The following ZNF503 variants were observed in gnomAD, a reference collection of about 807,000 sequenced individuals.
The protein encoded by ZNF503 is NocA-like zinc finger 2.
A neutral mutation model predicts 34.4 loss-of-function variants in ZNF503; 15 were observed. The observed-to-expected ratio is 0.44, with a 90% CI of 0.29 to 0.67. The LOEUF is 0.67. Ranked by LOEUF, ZNF503 falls within the 30% of genes least tolerant of loss-of-function variation. The pLI, the probability that ZNF503 is intolerant of heterozygous loss-of-function variation, is 0.13. For synonymous variants in ZNF503, 580 were observed against 456.8 expected (o/e 1.27, Z -3.44); for missense variants, 1,007 against 926.8 (o/e 1.09, Z -1.12).
chr10:75,356,727 T>C, the ZNF503 span, among the ~76,000 whole-genome samples: 1 of 152,106 alleles, frequency 6.6e-6, no homozygotes, highest in African/African-American at 2.4e-5. Context: ...CCCACCCAGG[T>C]TCTCCCATTG....
At chr10:75,331,148 T>C in the ZNF503 span, among the ~76,000 whole-genome samples, 1 of 152,246 alleles carries the variant, frequency 6.6e-6, no homozygotes, top group Non-Finnish European at 1.5e-5. Flanking sequence ...TTTTATTTCA[T>C]TGTGGTCAGA....
At chr10:75,335,770 G>A in the ZNF503 span, among the ~76,000 whole-genome samples, 5 of 152,016 alleles carry the variant, frequency 3.3e-5, no homozygotes, top group Non-Finnish European at 7.4e-5. Context: ...GTGTGGGTGG[G>A]GACACAGGCA....
the ZNF503 span, among the ~76,000 whole-genome samples, chr10:75,316,028 A>G: frequency 1.3e-5 from 2 of 152,376 alleles, no homozygotes; most frequent in South Asian, 2.1e-4. Flanking sequence ...TATAATGGTT[A>G]TAAACATATA....
the ZNF503 span, among the ~76,000 whole-genome samples, chr10:75,301,773 C>T: frequency 6.6e-6 from 1 of 152,148 alleles, no homozygotes; most frequent in African/African-American, 2.4e-5. Flanking sequence ...AATACATCTC[C>T]TTTTCTTCCC....
At chr10:75,350,809 T>G in the ZNF503 span, among the ~76,000 whole-genome samples, 2 of 152,070 alleles carry the variant, frequency 1.3e-5, no homozygotes, top group African/African-American at 4.8e-5. Flanking sequence ...CCGCCTCAGC[T>G]TCCCAAAGTG....
the ZNF503 span, among the ~76,000 whole-genome samples, chr10:75,313,787 C>G: frequency 1.3e-5 from 2 of 152,186 alleles, no homozygotes; most frequent in Admixed American, 6.5e-5. Flanking sequence ...GGAGAAGGGA[C>G]ATGAACTTGA....
At chr10:75,326,614 T>C in the ZNF503 span, among the ~76,000 whole-genome samples, 8 of 151,924 alleles carry the variant, frequency 5.3e-5, no homozygotes, top group African/African-American at 1.9e-4. Context: ...AATCTTCCTT[T>C]TTTTTTGTTT....
the ZNF503 span, among the ~76,000 whole-genome samples, chr10:75,366,209 T>C: frequency 1.3e-5 from 2 of 152,242 alleles, no homozygotes; most frequent in African/African-American, 4.8e-5. Flanking sequence ...TGAGCTCTTT[T>C]GTATATACCA....
chr10:75,282,949 G>C, the ZNF503 span, among the ~76,000 whole-genome samples: 5 of 152,214 alleles, frequency 3.3e-5, no homozygotes, highest in Admixed American at 1.3e-4. Flanking sequence ...AAACTGTCAG[G>C]TTGCCTACAT....
At chr10:75,302,584 G>GTCTAGTATACA in the ZNF503 span, among the ~76,000 whole-genome samples, 1 of 152,180 alleles carries the variant, frequency 6.6e-6, no homozygotes, top group African/African-American at 2.4e-5. Context: ...CCTCTTTGGT[G>GTCTAGTATACA]TCTAGTATAC....
At chr10:75,370,609 T>C in the ZNF503 span, among the ~76,000 whole-genome samples, 1 of 151,844 alleles carries the variant, frequency 6.6e-6, no homozygotes, top group East Asian at 1.9e-4. Flanking sequence ...TGAAACCCTG[T>C]CTCTACTAAA....
chr10:75,398,808 AG>A lies in ZNF503; in HGVS notation c.1881del (p.Ser628ProfsTer10). Reference sequence around the variant, plus strand: ...CTCTGTCCGTAGAGGGCGTAGGGGGAGTAGTACGGTCCGGTGGCGGCGGGCA... The same window carrying A: ...CTCTGTCCGTAGAGGGCGTAGGGGGATAGTACGGTCCGGTGGCGGCGGGCA... ...VPVPAATGPY[Y>X]SPYALYGQRL... On this transcript the variant is annotated frameshift_variant, in exon 2 of 2. Coordinates refer to ENST00000372524, the MANE Select transcript of ZNF503 (RefSeq NM_032772.6). LOFTEE classifies it high-confidence loss of function. 6.7e-7 allele frequency: 1 copy of A among 1,489,662 alleles called. No individual in the cohort carries two copies. The highest frequency in any genetic ancestry group is 8.9e-7 in the Non-Finnish European group (1 of 1,125,930). The allele number at this position is 1,489,662 out of a possible 1,614,324, so 92.3% of individuals were successfully genotyped here.
At chr10:75,294,503 G>A in the ZNF503 span, among the ~76,000 whole-genome samples, 1 of 152,138 alleles carries the variant, frequency 6.6e-6, no homozygotes, top group African/African-American at 2.4e-5. Context: ...TGGGTGAAAA[G>A]TCACAAATTA....
At chr10:75,377,613 A>G in the ZNF503 span, among the ~76,000 whole-genome samples, 1 of 152,104 alleles carries the variant, frequency 6.6e-6, no homozygotes, top group Non-Finnish European at 1.5e-5. Context: ...ATTGAGTTCA[A>G]TAGGTCCTTT....
chr10:75,393,817 C>A (rs1843669411), downstream of ZNF503, among the ~76,000 whole-genome samples: 1 of 151,872 alleles, frequency 6.6e-6, no homozygotes, highest in Non-Finnish European at 1.5e-5. Context: ...TGAGATCAAG[C>A]CACAGCACTC....
chr10:75,360,128 T>TC, the ZNF503 span, among the ~76,000 whole-genome samples: 1 of 146,828 alleles, frequency 6.8e-6, no homozygotes, highest in East Asian at 2.0e-4. Flanking sequence ...TTTTTTTTTT[T>TC]TTTTTTTTTT....
chr10:75,396,316 GGGGTCTCGCGACGTCC>G (rs1843696366), downstream of ZNF503, among the ~76,000 whole-genome samples: 1 of 152,156 alleles, frequency 6.6e-6, no homozygotes, highest in Non-Finnish European at 1.5e-5. This position sits in a 1 kb window ranked among gnomAD's most constrained non-coding sequence, Gnocchi z 4.4. Flanking sequence ...TCCGTTTCCT[GGGGTCTCGCGACGTCC>G]GGACATCAGG....
the ZNF503 span, among the ~76,000 whole-genome samples, chr10:75,388,384 G>A: frequency 6.6e-6 from 1 of 152,198 alleles, no homozygotes; most frequent in African/African-American, 2.4e-5. Context: ...GGGAAGAGAT[G>A]TGCACATATG....
the ZNF503 span, among the ~76,000 whole-genome samples, chr10:75,306,108 T>G: frequency 6.6e-6 from 1 of 152,188 alleles, no homozygotes; most frequent in Non-Finnish European, 1.5e-5. Flanking sequence ...TTTGAGAAAC[T>G]GCCTTAATGT....
Sources: allele counts gnomAD v4.1 joint callset (sites outside exome capture counted in the v4.1 genomes callset), GRCh38; gene constraint gnomAD v4.1.1; non-coding constraint Gnocchi (gnomAD v3.1); transcripts MANE v1.5; gene names NCBI Gene and HGNC (gene_info 2026-07-23, HGNC 2026-07-21).